CABLES1: variants seen among roughly 807,000 people sequenced by gnomAD.
CABLES1 encodes CDK5 and ABL1 enzyme substrate 1.
In CABLES1, 36 loss-of-function variants were observed where a neutral mutation model predicts 57.8. That is an observed-to-expected ratio of 0.62 (90% CI 0.48 to 0.82). The LOEUF is 0.82. CABLES1 is among the 40% of genes least tolerant of loss of function. CABLES1 has a pLI of 0.00. For synonymous variants in CABLES1, 374 were observed against 363.0 expected (o/e 1.03, Z -0.35); for missense variants, 767 against 836.6 (o/e 0.92, Z 1.03).
At chr18:23,228,244 G>A (rs1222332625) in intron 4 of CABLES1, among the ~76,000 whole-genome samples, 1 of 152,192 alleles carries the variant, frequency 6.6e-6, no homozygotes, top group Admixed American at 6.5e-5. Flanking sequence ...TCAGTGAGCA[G>A]CTGGCTGGGC....
chr18:23,253,835 C>T lies in CABLES1; in HGVS notation c.1660C>T (p.Leu554Phe). 2 of 1,614,228 alleles carry T rather than the reference C, an allele frequency of 1.2e-6. No homozygotes were observed. Among genetic ancestry groups the T allele is most frequent in the South Asian group, 1.1e-5 (1 of 91,086 alleles). ...TGAAAAGCTCGCCCTCAAGGGGAAACTCAACAAACAGAACCGGAAGCTGTG... is the reference window on the plus strand; with the variant it reads ...TGAAAAGCTCGCCCTCAAGGGGAAATTCAACAAACAGAACCGGAAGCTGTG... Reference protein sequence around the residue: ...YFEKLALKGKLNKQNRKLCAG... With the variant: ...YFEKLALKGKFNKQNRKLCAG... The change falls in exon 9 of 10, where the codon CTC becomes TTC. Residue 554 changes from leucine (L) to phenylalanine (F), a missense_variant. Physicochemically the swap from Leu to Phe is conservative, Grantham distance 22. Coordinates refer to ENST00000256925, the MANE Select transcript of CABLES1 (RefSeq NM_001100619.3).
chr18:23,167,217 T>A (rs771918229), intron 1 of CABLES1, among the ~76,000 whole-genome samples: 3 of 151,930 alleles, frequency 2.0e-5, no homozygotes, highest in Non-Finnish European at 4.4e-5. Context: ...TTTATTAAAT[T>A]TAAAAAAAAA....
chr18:23,161,737 CG>C (rs1204044096), intron 1 of CABLES1, among the ~76,000 whole-genome samples: 1 of 142,518 alleles, frequency 7.0e-6, no homozygotes, highest in African/African-American at 2.7e-5. Context: ...GGTGAAACCC[CG>C]TCTCTACTAA....
chr18:23,229,392 AC>A (rs2047551073), intron 4 of CABLES1, among the ~76,000 whole-genome samples: 1 of 152,194 alleles, frequency 6.6e-6, no homozygotes, highest in Non-Finnish European at 1.5e-5. Flanking sequence ...AGCCTAGGCA[AC>A]AAGAGTAAAA....
intron 1 of CABLES1, among the ~76,000 whole-genome samples, chr18:23,157,339 C>G (rs1268931869): frequency 2.0e-5 from 3 of 151,888 alleles, no homozygotes; most frequent in African/African-American, 4.8e-5. Context: ...GTAGTAAAGG[C>G]GGGGGGGCGG....
chr18:23,221,803 A>G (rs1321262171), intron 4 of CABLES1, among the ~76,000 whole-genome samples: 5 of 152,126 alleles, frequency 3.3e-5, no homozygotes, highest in South Asian at 2.1e-4. Flanking sequence ...GAGCTAGTCT[A>G]TGGTCTCTGC....
At position 23,253,055 on chromosome 18, in the gene CABLES1, C is replaced by A; in HGVS notation, c.1542C>A (p.Ser514Arg). The A allele has an allele frequency of 6.2e-7, 1 of 1,607,254 alleles. No homozygotes were observed. The highest frequency in any genetic ancestry group is 8.5e-7 in the Non-Finnish European group (1 of 1,173,818). ...TTCCTCACATTAAGCTGACACTCAG[C>A]AAAATTAGGAGGTACGGGAGGCTGG... The part of the protein sequence containing the change: ...EKFPHIKLTL[S>R]KIRSLKREMR... The change falls in exon 8 of 10, where the codon AGC becomes AGA. Residue 514 changes from serine to arginine, a missense_variant. Ser to Arg is a moderately radical substitution (Grantham distance 110). This residue lies in a region of CABLES1 where 529 missense variants were observed against 622.8 expected (regional missense o/e 0.85). Coordinates refer to ENST00000256925, the MANE Select transcript of CABLES1 (RefSeq NM_001100619.3).
intron 3 of CABLES1, among the ~76,000 whole-genome samples, chr18:23,195,825 C>A (rs2047278549): frequency 6.6e-6 from 1 of 152,020 alleles, no homozygotes; most frequent in Non-Finnish European, 1.5e-5. Context: ...CTATTGTTTT[C>A]TTTTGAGGCT....
At chr18:23,224,709 C>T (rs1215981878) in intron 4 of CABLES1, among the ~76,000 whole-genome samples, 1 of 151,376 alleles carries the variant, frequency 6.6e-6, no homozygotes, top group Admixed American at 6.6e-5. Flanking sequence ...GCTGGGATTA[C>T]AGGTGCCCGC....
At chr18:23,201,320 G>A (rs1472747419) in intron 3 of CABLES1, among the ~76,000 whole-genome samples, 1 of 152,186 alleles carries the variant, frequency 6.6e-6, no homozygotes, top group Non-Finnish European at 1.5e-5. Context: ...TATCACAGAA[G>A]GCTGGTGTCG....
Position 23,258,889 on chromosome 18 carries a change from C to T in CABLES1, c.*1522C>T, listed in dbSNP as rs2048230762. On this transcript the variant is annotated 3_prime_UTR_variant, in exon 10 of 10. Transcript: ENST00000256925. ...AAGCAGCAGCTGGTGAGGGCCAAAA[C>T]AGAATACTTGGCTTCTTCAGAATCT... The T allele has an allele frequency of 6.6e-6, 1 of 151,650 alleles. No homozygotes were observed. The highest frequency in any genetic ancestry group is 6.6e-5 in the Admixed American group (1 of 15,164). 9.4% of individuals were successfully genotyped at this position (151,650 alleles called of 1,614,324 possible).
At chr18:23,200,937 G>A (rs372937287) in intron 3 of CABLES1, among the ~76,000 whole-genome samples, 3 of 152,200 alleles carry the variant, frequency 2.0e-5, no homozygotes, top group South Asian at 2.1e-4. Context: ...TCCCGCCAGC[G>A]TTATCTCCTG....
chr18:23,240,749 C>G (rs1484906238), intron 7 of CABLES1, among the ~76,000 whole-genome samples: 1 of 152,208 alleles, frequency 6.6e-6, no homozygotes, highest in African/African-American at 2.4e-5. Context: ...TGTGGCCAGC[C>G]CAGCAGAGGC....
chr18:23,236,056 C>T lies in CABLES1; in HGVS notation c.1342+5C>T. ...CCCAGGGGAGCCTCGACACAGGTAA[C>T]CTTGGCCTGGCTGGGTCTGGTAGCT... On this transcript the variant is annotated splice_donor_5th_base_variant and intron_variant, in intron 6 of 9. Transcript: ENST00000256925. 2 of 1,613,746 alleles carry T rather than the reference C, an allele frequency of 1.2e-6. No individual in the cohort carries two copies. The highest frequency in any genetic ancestry group is 1.7e-6 in the Non-Finnish European group (2 of 1,179,938).
intron 1 of CABLES1, among the ~76,000 whole-genome samples, chr18:23,158,132 A>C (rs980492432): frequency 8.0e-5 from 12 of 150,800 alleles, no homozygotes; most frequent in Non-Finnish European, 1.5e-4. Flanking sequence ...AAAAAAAAAA[A>C]AAAAAACAAA....
At chr18:23,256,121 G>A (rs990179110) in intron 9 of CABLES1, among the ~76,000 whole-genome samples, 1 of 152,202 alleles carries the variant, frequency 6.6e-6, no homozygotes, top group Non-Finnish European at 1.5e-5. Flanking sequence ...TCTCATCCCA[G>A]TTATGATCTG....
At chr18:23,242,326 C>T (rs1397521493) in intron 7 of CABLES1, among the ~76,000 whole-genome samples, 2 of 152,038 alleles carry the variant, frequency 1.3e-5, no homozygotes, top group African/African-American at 4.8e-5. Context: ...TGCAGCTGGC[C>T]CGGTGGTTTG....
At chr18:23,236,242 G>A (rs1052195378) in intron 6 of CABLES1, among the ~76,000 whole-genome samples, 191 bp downstream of exon 6, 1 of 152,152 alleles carries the variant, frequency 6.6e-6, no homozygotes, top group African/African-American at 2.4e-5. Context: ...CTAATCAGAT[G>A]ACCCAGTCGT....
intron 3 of CABLES1, among the ~76,000 whole-genome samples, chr18:23,203,052 G>A (rs1025455590): frequency 2.6e-5 from 4 of 151,636 alleles, no homozygotes; most frequent in Admixed American, 2.0e-4. Flanking sequence ...TGACCCTCAC[G>A]GTCCTGTTAA....
Sources: gnomAD v4.1 joint callset for allele counts (sites outside exome capture counted in the v4.1 genomes callset) on GRCh38, gnomAD v4.1.1 for gene constraint, gnomAD v4.1.1 regional missense constraint, MANE v1.5 for transcripts, NCBI Gene and HGNC (gene_info 2026-07-23, HGNC 2026-07-21) for gene names.